PDS5B: variants seen among roughly 807,000 people sequenced by gnomAD.
PDS5B encodes the protein PDS5 cohesin associated factor B.
In PDS5B, 51 loss-of-function variants were observed where a neutral mutation model predicts 184.1. That is an observed-to-expected ratio of 0.28 (90% confidence interval 0.22 to 0.35). The LOEUF is 0.35. PDS5B is among the 10% of genes least tolerant of loss of function. PDS5B has a pLI of 1.00. For missense variants in PDS5B, 1,180 were observed against 1,723.3 expected (o/e 0.68, Z 5.58); for synonymous variants, 566 against 569.2 (o/e 0.99, Z 0.08).
At chr13:32,753,980 T>G (rs1401300362) in intron 25 of PDS5B, among the ~76,000 whole-genome samples, 1 of 152,182 alleles carries the variant, frequency 6.6e-6, no homozygotes, top group Non-Finnish European at 1.5e-5. Flanking sequence ...GCCTCTTGAC[T>G]TCCATGATTT....
chr13:32,588,755 A>G (rs1200365178), intron 1 of PDS5B, among the ~76,000 whole-genome samples: 1 of 152,240 alleles, frequency 6.6e-6, no homozygotes, highest in East Asian at 1.9e-4. Flanking sequence ...ATAAGATTCT[A>G]CCGAGTTGGC....
intron 1 of PDS5B, among the ~76,000 whole-genome samples, chr13:32,595,020 CT>C (rs1464771649): frequency 2.0e-5 from 3 of 152,170 alleles, no homozygotes; most frequent in Non-Finnish European, 2.9e-5. Context: ...ACTATGTCCC[CT>C]GACCATTCTC....
At chr13:32,655,045 A>G (rs1380203721) in intron 3 of PDS5B, among the ~76,000 whole-genome samples, 3 of 152,080 alleles carry the variant, frequency 2.0e-5, no homozygotes, top group Admixed American at 1.3e-4. Flanking sequence ...TATATACCCA[A>G]TAATGGGATT....
Position 32,675,813 on chromosome 13 carries a change from G to A in PDS5B, c.847-31G>A, listed in dbSNP as rs369334680. On this transcript the variant is annotated intron_variant, in intron 8 of 34. Transcript: ENST00000315596. The stretch of plus-strand genomic sequence containing the variant: ...CCTTATTCTGAATATCTACTGCATG[G>A]TTTTAAAGCTGTGATTGTGTTTTAT... 1.0e-4 allele frequency: 134 copies of A among 1,343,308 alleles called. No individual in the cohort carries two copies. In the African/African-American group the frequency reaches 1.5e-3, roughly 15 times the overall value. 83.2% of individuals were successfully genotyped at this position (1,343,308 alleles called of 1,614,324 possible).
intron 10 of PDS5B, among the ~76,000 whole-genome samples, chr13:32,682,943 A>C (rs1408205375): frequency 6.6e-6 from 1 of 151,888 alleles, no homozygotes; most frequent in Non-Finnish European, 1.5e-5. Flanking sequence ...ATCTGCCAAA[A>C]TTTTGTTGAC....
chr13:32,685,869 G>A (rs1951372746), intron 11 of PDS5B, among the ~76,000 whole-genome samples: 1 of 151,810 alleles, frequency 6.6e-6, no homozygotes, highest in Non-Finnish European at 1.5e-5. Flanking sequence ...CGAATTCCTG[G>A]TCTCAAGCCA....
At chr13:32,683,315 ATTTTTTTT>A (rs529817272) in intron 10 of PDS5B, among the ~76,000 whole-genome samples, 4 of 119,916 alleles carry the variant, frequency 3.3e-5, no homozygotes, top group Non-Finnish European at 7.1e-5. Flanking sequence ...GGCCTTTAAA[ATTTTTTTT>A]TTTTTTTTTT....
intron 1 of PDS5B, among the ~76,000 whole-genome samples, chr13:32,645,660 G>C (rs1185316905): frequency 6.6e-6 from 1 of 152,160 alleles, no homozygotes; most frequent in Admixed American, 6.5e-5. Context: ...TTATTAAGAA[G>C]TGCTTTAAAA....
intron 18 of PDS5B, among the ~76,000 whole-genome samples, chr13:32,707,413 CA>C (rs1201672888): frequency 6.6e-6 from 1 of 151,734 alleles, no homozygotes; most frequent in Non-Finnish European, 1.5e-5. Flanking sequence ...TCATTATTGA[CA>C]ACTTTAGAAT....
chr13:32,745,340 A>G (rs552828701), intron 23 of PDS5B, among the ~76,000 whole-genome samples: 1 of 152,344 alleles, frequency 6.6e-6, no homozygotes, highest in South Asian at 2.1e-4. Flanking sequence ...CTAAACATAC[A>G]GACAGATTTC....
chr13:32,661,385 C>CAAAAAAAAAAAAAAAAAA (rs747985772), intron 6 of PDS5B, among the ~76,000 whole-genome samples: 2 of 31,996 alleles, frequency 6.3e-5, no homozygotes, highest in African/African-American at 2.1e-4. Context: ...GACTCTGTCT[C>CAAAAAAAAAAAAAAAAAA]AAAAAAAAAA....
intron 22 of PDS5B, among the ~76,000 whole-genome samples, 187 bp downstream of exon 22, chr13:32,741,335 T>C (rs1953541772): frequency 6.6e-6 from 1 of 152,182 alleles, no homozygotes; most frequent in South Asian, 2.1e-4. Context: ...TGTGGACAGC[T>C]GCACATAATC....
intron 1 of PDS5B, among the ~76,000 whole-genome samples, chr13:32,638,241 A>G (rs2058596097): frequency 6.6e-6 from 1 of 152,234 alleles, no homozygotes; most frequent in Admixed American, 6.5e-5. Context: ...CCCATTGCCT[A>G]AAAGAGTCAT....
chr13:32,690,236 A>C (rs1951510562), intron 13 of PDS5B: 1 of 152,210 alleles, frequency 6.6e-6, no homozygotes, highest in South Asian at 2.1e-4. Flanking sequence ...GTACTATGTG[A>C]GATTTCCTGA....
At chr13:32,755,586 C>T (rs1276903026) in intron 25 of PDS5B, among the ~76,000 whole-genome samples, 1 of 152,028 alleles carries the variant, frequency 6.6e-6, no homozygotes, top group Non-Finnish European at 1.5e-5. Context: ...AGCCTCAGCC[C>T]ATGGTGTATT....
chr13:32,765,370 G>A (rs1322279322), intron 31 of PDS5B, among the ~76,000 whole-genome samples: 1 of 152,126 alleles, frequency 6.6e-6, no homozygotes, highest in Non-Finnish European at 1.5e-5. Context: ...TCATTGTTAC[G>A]ACTTTTGATT....
At chr13:32,663,368 A>T (rs1291952385) in intron 6 of PDS5B, among the ~76,000 whole-genome samples, 3 of 152,206 alleles carry the variant, frequency 2.0e-5, no homozygotes, top group African/African-American at 7.2e-5. Flanking sequence ...AATATAAAAT[A>T]GTAATTTCCA....
At chr13:32,753,585 C>A in intron 25 of PDS5B, 49 bp downstream of exon 25, 1 of 1,305,008 alleles carries the variant, frequency 7.7e-7, no homozygotes, top group South Asian at 1.3e-5. Flanking sequence ...CTGCTAGTTT[C>A]AGTTTTATAG....
chr13:32,647,969 G>C (rs1950269626), intron 1 of PDS5B, among the ~76,000 whole-genome samples: 1 of 152,226 alleles, frequency 6.6e-6, no homozygotes. Flanking sequence ...GCTTGGGGCT[G>C]TTATTAACCA....
Sources: allele counts gnomAD v4.1 joint callset (sites outside exome capture counted in the v4.1 genomes callset), GRCh38; gene constraint gnomAD v4.1.1; transcripts MANE v1.5; gene names NCBI Gene and HGNC (gene_info 2026-07-23, HGNC 2026-07-21).